The following DTNB variants were observed in gnomAD, a reference collection of about 807,000 sequenced individuals.
DTNB encodes DTN-B.
DTNB carries 63 observed loss-of-function variants against 90.7 expected under a neutral mutation model. The ratio of observed to expected loss-of-function variants is 0.69; its 90% confidence interval spans 0.57 to 0.86. The LOEUF is 0.86. Ranked by LOEUF, DTNB falls within the 40% of genes least tolerant of loss-of-function variation. The pLI is 0.00. For synonymous variants in DTNB, 277 were observed against 286.7 expected, an observed-to-expected ratio of 0.97 and a Z score of 0.34; for missense variants, 744 against 807.1, an observed-to-expected ratio of 0.92 and a Z score of 0.95.
chr2:25,604,398 T>C (rs1573275207), intron 5 of DTNB, among the ~76,000 whole-genome samples: 1 of 103,486 alleles, frequency 9.7e-6, no homozygotes, highest in East Asian at 2.1e-4. Flanking sequence ...CTCTCCCTTC[T>C]TTCTCTCTCT....
At chr2:25,402,421 AG>A (rs2043966426) in intron 16 of DTNB, among the ~76,000 whole-genome samples, 1 of 152,188 alleles carries the variant, frequency 6.6e-6, no homozygotes, top group Non-Finnish European at 1.5e-5. Context: ...TGCAAGCTTA[AG>A]TGCTGCGGAG....
At chr2:25,506,039 C>A (rs1486051535) in intron 9 of DTNB, among the ~76,000 whole-genome samples, 1 of 152,130 alleles carries the variant, frequency 6.6e-6, no homozygotes, top group East Asian at 1.9e-4. Flanking sequence ...AAGCCAGACA[C>A]AGACAAATAT....
intron 12 of DTNB, among the ~76,000 whole-genome samples, chr2:25,437,942 A>C: frequency 6.6e-6 from 1 of 152,234 alleles, no homozygotes; most frequent in East Asian, 1.9e-4. Context: ...GGGATAATGC[A>C]ATAAAGAAAT....
chr2:25,578,587 A>G (rs1291397520), intron 7 of DTNB, among the ~76,000 whole-genome samples: 1 of 152,214 alleles, frequency 6.6e-6, no homozygotes, highest in Non-Finnish European at 1.5e-5. Flanking sequence ...TCAAGAGCCA[A>G]TCCTTAGTCA....
Position 25,550,117 on chromosome 2 carries a change from C to T in DTNB, c.877-18520G>A, listed in dbSNP as rs191656916. Among the ~76,000 whole-genome samples the T allele has an allele frequency of 7.4e-3, 1,129 of 152,114 alleles. 11 individuals carry two copies. Among genetic ancestry groups the T allele is most frequent in the African/African-American group, 0.026 (1,067 of 41,510 alleles). Reference sequence around the variant, plus strand: ...AGACGCTATGCTATTGTTGGCCGGGCGCGGTGGCTCACGCCTGTAATCCCA... The same window carrying T: ...AGACGCTATGCTATTGTTGGCCGGGTGCGGTGGCTCACGCCTGTAATCCCA... On this transcript the variant is annotated intron_variant, in intron 8 of 20. Transcript: ENST00000406818.
chr2:25,389,545 G>A (rs935875070), intron 16 of DTNB, among the ~76,000 whole-genome samples: 8 of 152,234 alleles, frequency 5.3e-5, no homozygotes, highest in African/African-American at 1.7e-4. Flanking sequence ...ATCAAGGGCC[G>A]CTCACTGAGA....
At chr2:25,532,858 T>C (rs1448955605) in intron 8 of DTNB, among the ~76,000 whole-genome samples, 1 of 152,246 alleles carries the variant, frequency 6.6e-6, no homozygotes, top group Admixed American at 6.5e-5. Context: ...TAGACTTCTA[T>C]ATGCTGCTTG....
At chr2:25,530,450 G>A (rs964500676) in intron 9 of DTNB, among the ~76,000 whole-genome samples, 3 of 152,056 alleles carry the variant, frequency 2.0e-5, no homozygotes, top group Admixed American at 2.0e-4. Flanking sequence ...AAATAATAAT[G>A]ATAATAATGT....
Position 25,424,930 on chromosome 2 carries a change from G to A in DTNB, c.1554+2605C>T, listed in dbSNP as rs1397870258. On this transcript the variant is annotated intron_variant, in intron 15 of 20. Coordinates refer to ENST00000406818, the MANE Select transcript of DTNB (RefSeq NM_021907.5). This position sits in a 1 kb window ranked among gnomAD's most constrained non-coding sequence, Gnocchi z 4.1. ...ACCCATCTTGGCCTCCCAAAGTGCT[G>A]GTATTACAGGTGTTAGCCACTGCGC... is the stretch of plus-strand genomic sequence containing the variant. Among the ~76,000 whole-genome samples, 2 of 152,128 alleles carry A rather than the reference G, an allele frequency of 1.3e-5. No homozygotes were observed. The highest frequency in any genetic ancestry group is 4.8e-5 in the African/African-American group (2 of 41,420).
chr2:25,652,512 A>AT, intron 2 of DTNB, 82 bp downstream of exon 2: 12 of 1,409,812 alleles, frequency 8.5e-6, no homozygotes, highest in Non-Finnish European at 9.6e-6. Flanking sequence ...GTTGTAACTG[A>AT]TTAAAGCTAT....
intron 20 of DTNB, among the ~76,000 whole-genome samples, chr2:25,378,899 C>T (rs1327781212): frequency 6.6e-6 from 1 of 152,174 alleles, no homozygotes; most frequent in East Asian, 1.9e-4. Flanking sequence ...GACGCACTGG[C>T]TGTGGTTTGG....
intron 9 of DTNB, among the ~76,000 whole-genome samples, chr2:25,521,096 A>G (rs1285328354): frequency 6.6e-6 from 1 of 152,194 alleles, no homozygotes; most frequent in East Asian, 1.9e-4. Context: ...GTCCTTCAGC[A>G]AAAGGTGTTA....
At position 25,526,384 on chromosome 2, in the gene DTNB, TA is replaced by T. The variant is rs1558884514; in HGVS notation, c.1001+5088del. 2.1e-3 allele frequency among the ~76,000 whole-genome samples: 111 copies of T among 53,516 alleles called. 2 individuals are homozygous for T. The highest frequency in any genetic ancestry group is 9.3e-3 in the African/African-American group (86 of 9,226). 35.1% of individuals were successfully genotyped at this position (53,516 alleles called of 152,430 possible). A position where few individuals can be genotyped will look rare whatever the true frequency, so the allele number is the denominator to read the frequency against. On this transcript the variant is annotated intron_variant, in intron 9 of 20. Transcript: ENST00000406818. ...ATAAATATATATATATATATATATA[TA>T]TATATATATATTTTTTTTTTTTTAA...
intron 9 of DTNB, among the ~76,000 whole-genome samples, chr2:25,517,920 C>T (rs1051909943): frequency 6.6e-6 from 1 of 152,126 alleles, no homozygotes; most frequent in African/African-American, 2.4e-5. Context: ...GATACTGCAA[C>T]ACAGAACCTT....
chr2:25,390,742 C>T (rs971767458), intron 16 of DTNB, among the ~76,000 whole-genome samples: 8 of 150,938 alleles, frequency 5.3e-5, no homozygotes, highest in African/African-American at 1.9e-4. Flanking sequence ...CCACTGAGCC[C>T]GACCAAACTT....
At chr2:25,657,919 A>C (rs772343341) in intron 1 of DTNB, among the ~76,000 whole-genome samples, 9 of 152,126 alleles carry the variant, frequency 5.9e-5, no homozygotes, top group Non-Finnish European at 7.4e-5. Flanking sequence ...ATAACACTAC[A>C]TACCTACCAG....
At chr2:25,610,596 A>G (rs1263602326) in intron 4 of DTNB, among the ~76,000 whole-genome samples, 1 of 151,990 alleles carries the variant, frequency 6.6e-6, no homozygotes, top group Admixed American at 6.5e-5. Context: ...TCACTGAATG[A>G]ACTTTCACAA....
chr2:25,518,477 T>G (rs140129194), intron 9 of DTNB, among the ~76,000 whole-genome samples: 158 of 152,256 alleles, frequency 1.0e-3, no homozygotes, highest in African/African-American at 3.7e-3. Flanking sequence ...ACTGTTCACA[T>G]AAGCATCCCT....
chr2:25,669,395 A>T (rs2085284433), intron 1 of DTNB, among the ~76,000 whole-genome samples: 1 of 152,216 alleles, frequency 6.6e-6, no homozygotes, highest in Non-Finnish European at 1.5e-5. Context: ...TGGAAAGCAA[A>T]ACTTTTTTAA....
Sources: gnomAD v4.1 joint callset for allele counts (sites outside exome capture counted in the v4.1 genomes callset) on GRCh38, gnomAD v4.1.1 for gene constraint, Gnocchi (gnomAD v3.1) non-coding constraint, MANE v1.5 for transcripts, NCBI Gene and HGNC (gene_info 2026-07-23, HGNC 2026-07-21) for gene names.